Variants in GRIK1 observed in about 807,000 individuals in gnomAD.
GRIK1 encodes the protein glutamate receptor ionotropic, kainate 1.
In GRIK1, 69 loss-of-function variants were observed where a neutral mutation model predicts 105.7. The observed-to-expected ratio is 0.65, with a 90% CI of 0.54 to 0.80. GRIK1 has a LOEUF of 0.80. Ranked by LOEUF, GRIK1 falls within the 30% of genes least tolerant of loss-of-function variation. The probability of loss-of-function intolerance (pLI) is 0.00; values close to 1 mark genes in which losing one functional copy is unlikely to be tolerated. For synonymous variants in GRIK1, 438 were observed against 431.3 expected, an observed-to-expected ratio of 1.02 and a Z score of -0.19; for missense variants, 1,109 against 1,167.3, an observed-to-expected ratio of 0.95 and a Z score of 0.73.
At chr21:29,804,452 A>T (rs1442782304) in intron 1 of GRIK1, among the ~76,000 whole-genome samples, 2 of 152,168 alleles carry the variant, frequency 1.3e-5, no homozygotes, top group African/African-American at 4.8e-5. Context: ...CCAATTAAAA[A>T]AAAAAATGAA....
At chr21:29,607,105 T>G (rs1395891307) in intron 7 of GRIK1, among the ~76,000 whole-genome samples, 1 of 152,168 alleles carries the variant, frequency 6.6e-6, no homozygotes, top group African/African-American at 2.4e-5. Context: ...ATGTGGCTGT[T>G]AAGTTTTCCT....
At chr21:29,576,930 G>A (rs879544986) in intron 14 of GRIK1, 34 bp downstream of exon 14, 3 of 1,136,900 alleles carry the variant, frequency 2.6e-6, no homozygotes, top group Non-Finnish European at 4.0e-6. Context: ...ACAAGTATCA[G>A]ATAATCACTG....
chr21:29,793,184 A>T (rs2066470415), intron 1 of GRIK1, among the ~76,000 whole-genome samples: 1 of 152,200 alleles, frequency 6.6e-6, no homozygotes, highest in Admixed American at 6.5e-5. Context: ...GGGACCTAGC[A>T]TGCAAGGCAA....
intron 16 of GRIK1, among the ~76,000 whole-genome samples, chr21:29,547,087 G>T (rs1393922174): frequency 6.6e-6 from 1 of 152,160 alleles, no homozygotes; most frequent in Non-Finnish European, 1.5e-5. Context: ...GCTTCAAATA[G>T]CTTCCTAGGT....
intron 1 of GRIK1, among the ~76,000 whole-genome samples, chr21:29,903,652 G>A (rs989266593): frequency 6.6e-6 from 1 of 152,112 alleles, no homozygotes; most frequent in Non-Finnish European, 1.5e-5. Flanking sequence ...GAGAGGTTGT[G>A]GAAAAATAGA....
intron 1 of GRIK1, among the ~76,000 whole-genome samples, chr21:29,791,811 T>C (rs73897834): frequency 2.0e-5 from 3 of 152,172 alleles, no homozygotes; most frequent in African/African-American, 7.2e-5. Flanking sequence ...TTGCATATAT[T>C]TGTTGAAATA....
chr21:29,699,084 C>T (rs2063765332), intron 1 of GRIK1, among the ~76,000 whole-genome samples: 1 of 152,102 alleles, frequency 6.6e-6, no homozygotes, highest in African/African-American at 2.4e-5. Flanking sequence ...CTCTGTGTTC[C>T]CTCACCTGAG....
intron 1 of GRIK1, among the ~76,000 whole-genome samples, chr21:29,930,515 G>A (rs1393853676): frequency 6.6e-6 from 1 of 152,046 alleles, no homozygotes; most frequent in Non-Finnish European, 1.5e-5. Flanking sequence ...ATTTTTAAAG[G>A]CATATTTAGA....
At chr21:29,859,751 G>T (rs1011272945) in intron 1 of GRIK1, among the ~76,000 whole-genome samples, 5 of 152,200 alleles carry the variant, frequency 3.3e-5, no homozygotes, top group South Asian at 2.1e-4. Flanking sequence ...ATCTTGCTAG[G>T]CCTGAGAATG....
chr21:29,717,973 A>G (rs1372107694), intron 1 of GRIK1, among the ~76,000 whole-genome samples: 2 of 152,098 alleles, frequency 1.3e-5, no homozygotes, highest in Non-Finnish European at 2.9e-5. Context: ...TGCTGTTATC[A>G]TGTTAGTGAG....
intron 1 of GRIK1, among the ~76,000 whole-genome samples, chr21:29,856,570 T>C (rs1334008962): frequency 6.6e-6 from 1 of 152,192 alleles, no homozygotes; most frequent in East Asian, 1.9e-4. Context: ...CTGAAATATT[T>C]GCTTAGCCCC....
In GRIK1 at chr21:29,659,063, G is replaced by A. The variant is rs568646387; in HGVS notation, c.727-4200C>T. 1.2e-4 allele frequency among the ~76,000 whole-genome samples: 19 copies of A among 152,250 alleles called. No individual in the cohort carries two copies. In the East Asian group the frequency reaches 3.5e-3, roughly 28 times the overall value. On this transcript the variant is annotated intron_variant, in intron 4 of 17. Transcript: ENST00000327783. ...CCATTGGCAATTAGTCAGGAGCACA[G>A]GGCATACATTTTTCATGTGCTAATG...
At chr21:29,807,831 CG>C (rs2066906730) in intron 1 of GRIK1, among the ~76,000 whole-genome samples, 1 of 151,956 alleles carries the variant, frequency 6.6e-6, no homozygotes, top group African/African-American at 2.4e-5. Flanking sequence ...GTACAAGCAG[CG>C]GGTGTCAAGG....
At chr21:29,797,914 T>C (rs557985742) in intron 1 of GRIK1, among the ~76,000 whole-genome samples, 2 of 152,222 alleles carry the variant, frequency 1.3e-5, no homozygotes, top group African/African-American at 4.8e-5. Flanking sequence ...ACACTCTTCA[T>C]GAAATTCAGC....
At chr21:29,806,048 G>C (rs75357092) in intron 1 of GRIK1, among the ~76,000 whole-genome samples, 3 of 151,972 alleles carry the variant, frequency 2.0e-5, no homozygotes, top group African/African-American at 7.3e-5. Flanking sequence ...TAATAATCTA[G>C]AGTAAATAAT....
At chr21:29,637,987 A>G (rs1276586266) in intron 7 of GRIK1, among the ~76,000 whole-genome samples, 2 of 152,162 alleles carry the variant, frequency 1.3e-5, no homozygotes, top group African/African-American at 4.8e-5. Flanking sequence ...AACAACTGCT[A>G]CTTTATCCTA....
chr21:29,741,754 A>G (rs1395469130), intron 1 of GRIK1, among the ~76,000 whole-genome samples: 1 of 152,212 alleles, frequency 6.6e-6, no homozygotes, highest in Non-Finnish European at 1.5e-5. Flanking sequence ...AAGTTATCCA[A>G]CAGTTATGTT....
At chr21:29,766,004 A>T (rs1456481062) in intron 1 of GRIK1, among the ~76,000 whole-genome samples, 1 of 151,894 alleles carries the variant, frequency 6.6e-6, no homozygotes, top group Non-Finnish European at 1.5e-5. Flanking sequence ...GGCGCCCGCC[A>T]CCACGCCCGG....
intron 1 of GRIK1, among the ~76,000 whole-genome samples, chr21:29,743,078 T>C (rs1002244921): frequency 1.3e-5 from 2 of 152,014 alleles, no homozygotes; most frequent in African/African-American, 4.8e-5. Context: ...TATTTCTGCA[T>C]GTTTCTTTAG....
Sources: allele counts gnomAD v4.1 joint callset (sites outside exome capture counted in the v4.1 genomes callset), GRCh38; gene constraint gnomAD v4.1.1; transcripts MANE v1.5; gene names NCBI Gene and HGNC (gene_info 2026-07-23, HGNC 2026-07-21).